The following NELFB variants were observed in gnomAD, a reference collection of about 807,000 sequenced individuals.
NELFB encodes negative elongation factor B.
NELFB carries 34 observed loss-of-function variants against 60.2 expected under a neutral mutation model. The ratio of observed to expected loss-of-function variants is 0.56; its 90% CI spans 0.43 to 0.75. The LOEUF (loss-of-function observed/expected upper bound fraction) is 0.75, where lower values mean the gene tolerates loss of function less well. Ranked by LOEUF, NELFB falls within the 30% of genes least tolerant of loss-of-function variation. The pLI is 0.00. For missense variants in NELFB, 770 were observed against 831.6 expected (o/e 0.93, Z 0.91); for synonymous variants, 459 against 382.1 (o/e 1.20, Z -2.35).
intron 4 of NELFB, among the ~76,000 whole-genome samples, chr9:137,260,653 A>G (rs1419713796): frequency 6.6e-6 from 1 of 151,764 alleles, no homozygotes; most frequent in Middle Eastern, 3.2e-3. Flanking sequence ...GGGTTTCACC[A>G]TGTTGGCCAG....
At position 137,273,083 on chromosome 9, in the gene NELFB, T is replaced by A; in HGVS notation, c.*155T>A. ...GTCATGGCCCCCTGCTTCCTGCTCC[T>A]TGGAGCTGGCTCCCGGACCTTGCCC... On this transcript the variant is annotated 3_prime_UTR_variant, in exon 13 of 13. Transcript: ENST00000343053. 2.4e-6 allele frequency: 2 copies of A among 830,534 alleles called. No homozygotes were observed. The highest frequency in any genetic ancestry group is 3.5e-6 in the Non-Finnish European group (2 of 567,796). 51.4% of individuals were successfully genotyped at this position (830,534 alleles called of 1,614,324 possible).
intron 5 of NELFB, 44 bp from the exon 6 acceptor site, chr9:137,264,201 C>T (rs781041504): frequency 1.4e-5 from 21 of 1,463,672 alleles, no homozygotes; most frequent in Non-Finnish European, 2.0e-5. Flanking sequence ...CTCTGGTCAT[C>T]CTGGGAGGTT....
Position 137,255,586 on chromosome 9 carries a change from C to A in NELFB, c.221C>A (p.Pro74Gln). ...GAGACCCTGACCAACTGCACGGAGC[C>A]GCTCAAGGCCATCGAGCAGTTCCAG... The change falls in exon 1 of 13, where the codon CCG (proline) becomes CAG (glutamine). Residue 74 changes from proline to glutamine, a missense_variant. Pro to Gln is a moderately conservative substitution (Grantham distance 76, BLOSUM62 -1). Transcript: ENST00000343053. 6.5e-7 allele frequency: 1 copy of A among 1,549,494 alleles called. No individual in the cohort carries two copies. Among genetic ancestry groups the A allele is most frequent in the Non-Finnish European group, 8.7e-7 (1 of 1,146,842 alleles).
intron 1 of NELFB, 143 bp downstream of exon 1, chr9:137,255,754 C>T: frequency 2.1e-6 from 3 of 1,445,816 alleles, no homozygotes; most frequent in Non-Finnish European, 2.8e-6. Context: ...CCGGAGCCAG[C>T]ACCCCTTTGC....
At chr9:137,271,193 G>A (rs759819854) in intron 10 of NELFB, among the ~76,000 whole-genome samples, 3 of 152,260 alleles carry the variant, frequency 2.0e-5, no homozygotes, top group African/African-American at 7.2e-5. Flanking sequence ...TGCCTGCCAC[G>A]TGTCCCGTGG....
At chr9:137,267,889 G>C (rs113300551) in intron 10 of NELFB, among the ~76,000 whole-genome samples, 57 of 152,348 alleles carry the variant, frequency 3.7e-4, no homozygotes, top group African/African-American at 1.2e-3. Flanking sequence ...TGTAAGAGCT[G>C]TCTTTATTTC....
In NELFB at chr9:137,265,932, A is replaced by T. The variant is rs777739789; in HGVS notation, c.1096A>T (p.Thr366Ser). Reference sequence around the variant, plus strand: ...CGCCATCAACACGCTGGCACTGAGCACAGTCAGGCACCTGCAGGAGCTGGT... The same window carrying T: ...CGCCATCAACACGCTGGCACTGAGCTCAGTCAGGCACCTGCAGGAGCTGGT... Residue 366 changes from threonine to serine, a missense_variant, in exon 7 of 13, where the codon ACA becomes TCA. By Grantham distance (58) the Thr-to-Ser change is moderately conservative (BLOSUM62 1). Coordinates refer to ENST00000343053, the MANE Select transcript of NELFB (RefSeq NM_015456.5). 6.2e-7 allele frequency: 1 copy of T among 1,613,200 alleles called. No individual in the cohort carries two copies. The highest frequency in any genetic ancestry group is 1.1e-5 in the South Asian group (1 of 91,080).
chr9:137,255,804 A>G, intron 1 of NELFB, 103 bp from the exon 2 acceptor site: 1 of 1,546,164 alleles, frequency 6.5e-7, no homozygotes, highest in Non-Finnish European at 8.7e-7. Flanking sequence ...GGTTACCGCC[A>G]GCACGGCTGG....
chr9:137,266,697 C>T (rs1830521602), intron 8 of NELFB, among the ~76,000 whole-genome samples: 1 of 152,084 alleles, frequency 6.6e-6, no homozygotes, highest in African/African-American at 2.4e-5. Context: ...GGGGGTGTCT[C>T]CATGGACCAT....
chr9:137,261,580 TC>T (rs1051906691), intron 4 of NELFB, among the ~76,000 whole-genome samples: 16 of 147,066 alleles, frequency 1.1e-4, no homozygotes, highest in African/African-American at 3.1e-4. Flanking sequence ...ATAGCTTGAA[TC>T]CGGGAGGTGG....
Position 137,255,933 on chromosome 9 carries a change from T to A in NELFB, c.273T>A (p.Ser91=). 1 of 1,614,052 alleles carries A rather than the reference T, an allele frequency of 6.2e-7. No homozygotes were observed. Among genetic ancestry groups the A allele is most frequent in the Non-Finnish European group, 8.5e-7 (1 of 1,180,014 alleles). Residue 91 remains serine (S), a synonymous_variant, in exon 2 of 13, where the codon TCT becomes TCA. Coordinates refer to ENST00000343053, the MANE Select transcript of NELFB (RefSeq NM_015456.5). ...CAGAGAATGGTGTGCTGCTGCCATC[T>A]CTTCAGTCAGCCCTCCCCTTCTTGG...
At chr9:137,270,913 TTC>T (rs1479843603) in intron 10 of NELFB, among the ~76,000 whole-genome samples, 4 of 152,216 alleles carry the variant, frequency 2.6e-5, no homozygotes, top group Non-Finnish European at 5.9e-5. Flanking sequence ...AGTGAGACTC[TTC>T]TCAAAAAAAA....
In NELFB at chr9:137,264,793, C is replaced by T. The variant is rs192324544; in HGVS notation, c.1040+436C>T. On this transcript the variant is annotated intron_variant, in intron 6 of 12. Coordinates refer to ENST00000343053, the MANE Select transcript of NELFB (RefSeq NM_015456.5). ...CCTGGATGTTTCAATAGAGCTATGCCGGGCACTGCTGGCCCACAGCTTAGG... is the reference window on the plus strand; with the variant it reads ...CCTGGATGTTTCAATAGAGCTATGCTGGGCACTGCTGGCCCACAGCTTAGG... Among the ~76,000 whole-genome samples, 531 of 152,048 alleles carry T rather than the reference C, an allele frequency of 3.5e-3. 3 individuals carry two copies. The highest frequency in any genetic ancestry group is 0.012 in the African/African-American group (480 of 41,504).
intron 10 of NELFB, among the ~76,000 whole-genome samples, chr9:137,270,584 C>T (rs892311498): frequency 6.8e-6 from 1 of 146,804 alleles, no homozygotes; most frequent in African/African-American, 2.5e-5. Flanking sequence ...AGCGAGACTC[C>T]GTCTCAAAAA....
At chr9:137,261,329 G>A (rs1382071847) in intron 4 of NELFB, among the ~76,000 whole-genome samples, 4 of 132,768 alleles carry the variant, frequency 3.0e-5, no homozygotes, top group African/African-American at 8.7e-5. Flanking sequence ...AACAGAGCAC[G>A]ACTCGGTTTC....
At position 137,265,879 on chromosome 9, in the gene NELFB, A is replaced by C. The variant is rs1192732631; in HGVS notation, c.1043A>C (p.Asp348Ala). The change falls in exon 7 of 13, where the codon GAC (aspartate) becomes GCC (alanine). Residue 348 changes from aspartate (D) to alanine (A), a missense_variant and splice_region_variant. Coordinates refer to ENST00000343053, the MANE Select transcript of NELFB (RefSeq NM_015456.5). ...ATGCCAGGGCGGCCTCCTTCCAGGG[A>C]CCTGTCCATGATCCTGTGTGACCCC... 6.2e-7 allele frequency: 1 copy of C among 1,611,374 alleles called. No homozygotes were observed.
intron 8 of NELFB, 83 bp from the exon 9 acceptor site, chr9:137,266,861 C>T: frequency 6.5e-7 from 1 of 1,535,102 alleles, no homozygotes; most frequent in Non-Finnish European, 8.8e-7. Flanking sequence ...AGTGGGAGGG[C>T]CAGGGGCAGG....
At chr9:137,255,788 G>T in intron 1 of NELFB, 119 bp from the exon 2 acceptor site, 2 of 1,527,102 alleles carry the variant, frequency 1.3e-6, no homozygotes, top group Non-Finnish European at 1.8e-6. Context: ...GGCTTTCGGT[G>T]GCTGCGGTTA....
rs1830533132 is a variant in NELFB at position 137,267,299 on chromosome 9, C to G, written c.1442C>G (p.Thr481Ser). The change falls in exon 10 of 13, where the codon ACC (threonine) becomes AGC (serine). Residue 481 changes from threonine (T) to serine (S), a missense_variant. Coordinates refer to ENST00000343053, the MANE Select transcript of NELFB (RefSeq NM_015456.5). ...GGGCTGTACTACGTCCTGCACATCA[C>G]CAAGCAGAGGAACAAGAACGCGCTC... The G allele has an allele frequency of 6.2e-7, 1 of 1,613,462 alleles. No individual in the cohort carries two copies. The highest frequency in any genetic ancestry group is 8.5e-7 in the Non-Finnish European group (1 of 1,179,886).
Sources: allele counts gnomAD v4.1 joint callset (sites outside exome capture counted in the v4.1 genomes callset), GRCh38; gene constraint gnomAD v4.1.1; transcripts MANE v1.5; gene names NCBI Gene and HGNC (gene_info 2026-07-23, HGNC 2026-07-21).